TMEM94: variants seen among roughly 807,000 people sequenced by gnomAD.
TMEM94 encodes the protein transmembrane protein 94.
Under a neutral mutation model 158.6 loss-of-function variants are expected in TMEM94, and 81 were observed. The ratio of observed to expected loss-of-function variants is 0.51; its 90% CI spans 0.43 to 0.61. TMEM94 has a LOEUF of 0.61. Among genes scored for constraint, TMEM94 ranks in the 20% least tolerant of loss-of-function variants. The pLI is 0.00. For synonymous variants in TMEM94, 751 were observed against 730.7 expected (o/e 1.03, Z -0.45); for missense variants, 1,435 against 1,762.0 (o/e 0.81, Z 3.32).
Position 75,489,876 on chromosome 17 carries a change from C to T in TMEM94, c.954+214C>T, listed in dbSNP as rs573647998. 1.9e-4 allele frequency: 113 copies of T among 596,588 alleles called. No individual in the cohort carries two copies. The highest frequency in any genetic ancestry group is 1.8e-3 in the African/African-American group (98 of 53,902). The allele number at this position is 596,588 out of a possible 1,614,324, so 37.0% of individuals were successfully genotyped here. A position where few individuals can be genotyped will look rare whatever the true frequency, so the allele number is the denominator to read the frequency against. On this transcript the variant is annotated intron_variant, in intron 9 of 31. Transcript: ENST00000314256. This position sits in a 1 kb window ranked among gnomAD's most constrained non-coding sequence, Gnocchi z 5.0. Reference sequence around the variant, plus strand: ...CAGGCAGATCATGAGGTCAAGAGATCGAGACCATCCTGGCCAATATGGTGA... The same window carrying T: ...CAGGCAGATCATGAGGTCAAGAGATTGAGACCATCCTGGCCAATATGGTGA...
Position 75,496,270 on chromosome 17 carries a change from C to A in TMEM94, c.3054-12C>A, listed in dbSNP as rs78549838. 6,651 of 1,614,126 alleles carry A rather than the reference C, an allele frequency of 4.1e-3. 136 individuals carry two copies. In the East Asian group the frequency reaches 0.043, roughly 10 times the overall value. ...ATACAGCTGAAGTGTGTGTGTCCCCCACCCTGAGCAGCATTGCCCTGGATC... is the reference window on the plus strand; with the variant it reads ...ATACAGCTGAAGTGTGTGTGTCCCCAACCCTGAGCAGCATTGCCCTGGATC... On this transcript the variant is annotated splice_polypyrimidine_tract_variant and intron_variant, in intron 23 of 31. Transcript: ENST00000314256.
chr17:75,463,073 T>TAC (rs1598302620), intron 1 of TMEM94, among the ~76,000 whole-genome samples: 5 of 16,800 alleles, frequency 3.0e-4, no homozygotes, highest in East Asian at 2.9e-3. Flanking sequence ...TATATATATA[T>TAC]ATATATACAC....
intron 2 of TMEM94, among the ~76,000 whole-genome samples, chr17:75,483,286 T>G (rs1032561704): frequency 3.3e-5 from 5 of 152,036 alleles, no homozygotes; most frequent in Non-Finnish European, 1.5e-5. Context: ...CAGGCCCTGC[T>G]CTGGCCAAGG....
chr17:75,469,852 C>T (rs1452948128), intron 1 of TMEM94, among the ~76,000 whole-genome samples: 4 of 151,958 alleles, frequency 2.6e-5, no homozygotes, highest in African/African-American at 9.7e-5. Flanking sequence ...GTGGGTGGAT[C>T]ACCTGAGGTC....
At chr17:75,468,868 G>T (rs975137731) in intron 1 of TMEM94, among the ~76,000 whole-genome samples, 4 of 152,100 alleles carry the variant, frequency 2.6e-5, no homozygotes, top group Non-Finnish European at 5.9e-5. Flanking sequence ...CTTGCTCCTG[G>T]CCCCCAAAAG....
intron 24 of TMEM94, 115 bp downstream of exon 24, chr17:75,496,586 G>T: frequency 2.1e-6 from 3 of 1,409,754 alleles, no homozygotes; most frequent in Non-Finnish European, 3.0e-6. Context: ...CCCTCCGAGC[G>T]GGCTCTCCCA....
rs1307622976 is a variant in TMEM94, at chr17:75,498,278, C to T, written c.3593C>T (p.Ser1198Phe). ...GFTLQSFCDSSRDRNLTNCSS... is the reference protein window; with the variant it reads ...GFTLQSFCDSFRDRNLTNCSS... ...ACACTGCAGAGCTTCTGTGACAGCT[C>T]CCGGGACCGCAACCTCACCAACTGC... is the stretch of plus-strand genomic sequence containing the variant. The change falls in exon 28 of 32, where the codon TCC becomes TTC. Residue 1198 changes from serine to phenylalanine, a missense_variant. By Grantham distance (155) the Ser-to-Phe change is radical (BLOSUM62 -2). Transcript: ENST00000314256. This position sits in a 1 kb window ranked among gnomAD's most constrained non-coding sequence, Gnocchi z 6.7. 6.2e-7 allele frequency: 1 copy of T among 1,613,486 alleles called. No individual in the cohort carries two copies. Among genetic ancestry groups the T allele is most frequent in the East Asian group, 2.2e-5 (1 of 44,880 alleles).
At position 75,471,892 on chromosome 17, in the gene TMEM94, A is replaced by G. The variant is rs1339579488; in HGVS notation, c.-14A>G. 2 of 1,613,832 alleles carry G rather than the reference A, an allele frequency of 1.2e-6. No individual in the cohort carries two copies. The highest frequency in any genetic ancestry group is 2.2e-5 in the East Asian group (1 of 44,870). On this transcript the variant is annotated 5_prime_UTR_variant, in exon 2 of 32. Transcript: ENST00000314256. ...ACCACATTCATCTGGGCATGCCTGC[A>G]GTACTCTTGGCCCATGGACCTGAAG...
rs2052443010 is a variant in TMEM94 at position 75,493,894 on chromosome 17, C to T, written c.2385C>T (p.Arg795=). ...PSTIPIKQNA[R]RSSWSSDEGI... ...CCATCCCCATCAAGCAGAACGCCCG[C>T]CGCAGCAGCTGGAGCTCTGACGGTA... Residue 795 remains arginine (R), a synonymous_variant, in exon 18 of 32, where the codon CGC becomes CGT. Coordinates refer to ENST00000314256, the MANE Select transcript of TMEM94 (RefSeq NM_014738.6). The T allele has an allele frequency of 6.2e-7, 1 of 1,612,308 alleles. No individual in the cohort carries two copies. Among genetic ancestry groups the T allele is most frequent in the East Asian group, 2.2e-5 (1 of 44,866 alleles).
rs530119099 is a variant in TMEM94, at chr17:75,459,677, C to T, written c.-107+2926C>T. ...GCTTAATCTGATGAATCAGGTTGAA[C>T]TCGTACCTTAGCAGTCTAAGCCTGA... On this transcript the variant is annotated intron_variant, in intron 1 of 31. Coordinates refer to ENST00000314256, the MANE Select transcript of TMEM94 (RefSeq NM_014738.6). 3 of 152,268 alleles carry T rather than the reference C, an allele frequency of 2.0e-5. No individual in the cohort carries two copies. The South Asian group carries it at 6.2e-4, about 32-fold the overall frequency. The allele number at this position is 152,268 out of a possible 1,614,324, so 9.4% of individuals were successfully genotyped here. A position where few individuals can be genotyped will look rare whatever the true frequency, so the allele number is the denominator to read the frequency against.
Position 75,493,709 on chromosome 17 carries a change from C to T in TMEM94, c.2200C>T (p.Leu734=). The part of the protein sequence containing the change: ...PLSGSDRKKV[L]DFYQRACLSG... ...CTGCTTCCCTGGCAGAAAGAAAGTG[C>T]TGGACTTCTACCAGCGAGCCTGCCT... Residue 734 remains leucine (L), a synonymous_variant, in exon 18 of 32, where the codon CTG becomes TTG. Transcript: ENST00000314256. 2 of 1,613,992 alleles carry T rather than the reference C, an allele frequency of 1.2e-6. No homozygotes were observed. The highest frequency in any genetic ancestry group is 1.7e-6 in the Non-Finnish European group (2 of 1,180,024).
At position 75,491,841 on chromosome 17, in the gene TMEM94, T is replaced by C. The variant is rs377730984; in HGVS notation, c.1537T>C (p.Ser513Pro). The change falls in exon 14 of 32, where the codon TCT becomes CCT. Residue 513 changes from serine to proline, a missense_variant. This residue lies in a region of TMEM94 where 1,051 missense variants were observed against 1,254.4 expected (regional missense o/e 0.84). Transcript: ENST00000314256. The surrounding 1 kb of genome is among the most constrained non-coding windows in gnomAD (Gnocchi z 5.1). ...AGCGCATGGCCGCAGCAAACACCCA[T>C]CTGGCTCCAACGTGAGCTTCAGCAG... is the stretch of plus-strand genomic sequence containing the variant. ...HKAHGRSKHPSGSNVSFSRDT... is the reference protein window; with the variant it reads ...HKAHGRSKHPPGSNVSFSRDT... 5 of 1,613,884 alleles carry C rather than the reference T, an allele frequency of 3.1e-6. No individual in the cohort carries two copies. The highest frequency in any genetic ancestry group is 3.4e-6 in the Non-Finnish European group (4 of 1,179,982).
In TMEM94 at chr17:75,493,076, G is replaced by A. The variant is rs752163987; in HGVS notation, c.2060G>A (p.Ser687Asn). 1.9e-6 allele frequency: 3 copies of A among 1,613,218 alleles called. No homozygotes were observed. The highest frequency in any genetic ancestry group is 2.5e-6 in the Non-Finnish European group (3 of 1,180,024). ...KRRPPLSHMISLFIKDTTTST... is the reference protein window; with the variant it reads ...KRRPPLSHMINLFIKDTTTST... ...CGGCCTCCCCTCAGCCACATGATCA[G>A]CCTCTTCATTAAAGACACCACCACC... is the stretch of plus-strand genomic sequence containing the variant. Residue 687 changes from serine to asparagine, a missense_variant, in exon 16 of 32, where the codon AGC becomes AAC. This residue lies in a region of TMEM94 where 1,051 missense variants were observed against 1,254.4 expected (regional missense o/e 0.84). Coordinates refer to ENST00000314256, the MANE Select transcript of TMEM94 (RefSeq NM_014738.6).
chr17:75,465,679 A>ATATATATTTTTTT (rs1247855961), intron 1 of TMEM94, among the ~76,000 whole-genome samples: 7 of 124,822 alleles, frequency 5.6e-5, no homozygotes, highest in Non-Finnish European at 9.6e-5. Flanking sequence ...ATATATATAT[A>ATATATATTTTTTT]TTTTTTTTTA....
At chr17:75,493,991 C>A in intron 18 of TMEM94, 75 bp downstream of exon 18, 1 of 1,440,888 alleles carries the variant, frequency 6.9e-7, no homozygotes, top group South Asian at 1.2e-5. Context: ...GCAGGGAGGG[C>A]GTCTGGAGGG....
intron 7 of TMEM94, 27 bp downstream of exon 7, chr17:75,488,937 G>T (rs1324435975): frequency 6.5e-7 from 1 of 1,534,178 alleles, no homozygotes; most frequent in African/African-American, 1.4e-5. Flanking sequence ...GCCTCCTCCT[G>T]TCCCTGGTGT....
chr17:75,486,219 T>G, intron 4 of TMEM94, 71 bp from the exon 5 acceptor site: 1 of 1,595,146 alleles, frequency 6.3e-7, no homozygotes. Flanking sequence ...GAAGGGGAGC[T>G]GTGGCCTGGG....
At chr17:75,476,944 G>GC (rs2050724826) in intron 2 of TMEM94, among the ~76,000 whole-genome samples, 1 of 152,184 alleles carries the variant, frequency 6.6e-6, no homozygotes, top group Non-Finnish European at 1.5e-5. Context: ...CTGGGTAGCT[G>GC]CCAGCCAGGT....
rs765049645 is a variant in TMEM94, at chr17:75,496,297, C to T, written c.3069C>T (p.Pro1023=). ...CCCTGAGCAGCATTGCCCTGGATCC[C>T]CTGTACCCATCCCGTTGCTCCTGGG... The part of the protein sequence containing the change: ...LQSDISIALD[P]LYPSRCSWET... The change falls in exon 24 of 32, where the codon CCC becomes CCT. Residue 1023 remains proline, a synonymous_variant. Coordinates refer to ENST00000314256, the MANE Select transcript of TMEM94 (RefSeq NM_014738.6). The T allele has an allele frequency of 1.9e-6, 3 of 1,614,216 alleles. No homozygotes were observed. The highest frequency in any genetic ancestry group is 2.5e-6 in the Non-Finnish European group (3 of 1,180,044).
Sources: allele counts gnomAD v4.1 joint callset (sites outside exome capture counted in the v4.1 genomes callset), GRCh38; gene constraint gnomAD v4.1.1; regional missense constraint gnomAD v4.1.1; non-coding constraint Gnocchi (gnomAD v3.1); transcripts MANE v1.5; gene names NCBI Gene and HGNC (gene_info 2026-07-23, HGNC 2026-07-21).